DLG2: variants seen among roughly 807,000 people sequenced by gnomAD.
The protein encoded by DLG2 is discs large MAGUK scaffold protein 2.
DLG2 carries 45 observed loss-of-function variants against 132.5 expected under a neutral mutation model. The observed-to-expected ratio is 0.34, with a 90% CI of 0.27 to 0.44. The LOEUF is 0.44. DLG2 is among the 20% of genes least tolerant of loss of function. DLG2 has a pLI of 1.00. For synonymous variants in DLG2, 424 were observed against 419.6 expected (o/e 1.01, Z -0.13); for missense variants, 1,045 against 1,196.9 (o/e 0.87, Z 1.87).
intron 6 of DLG2, among the ~76,000 whole-genome samples, chr11:85,097,404 C>T (rs1407778319): frequency 6.6e-6 from 1 of 152,140 alleles, no homozygotes; most frequent in African/African-American, 2.4e-5. Context: ...GCTCAGTTGG[C>T]TTCACCTCTC....
intron 6 of DLG2, among the ~76,000 whole-genome samples, chr11:84,616,920 A>G (rs1276049746): frequency 6.6e-6 from 1 of 151,858 alleles, no homozygotes; most frequent in Non-Finnish European, 1.5e-5. Flanking sequence ...ATTTTTGCAA[A>G]GAAGCATTGC....
At chr11:84,524,820 T>C (rs772874098) in intron 7 of DLG2, among the ~76,000 whole-genome samples, 2 of 152,028 alleles carry the variant, frequency 1.3e-5, no homozygotes, top group Non-Finnish European at 2.9e-5. Context: ...CTCATGACTG[T>C]TGGGGTCAAA....
chr11:84,250,611 T>C (rs1196184584), intron 8 of DLG2, among the ~76,000 whole-genome samples: 1 of 152,164 alleles, frequency 6.6e-6, no homozygotes, highest in African/African-American at 2.4e-5. Context: ...TCACCCACAT[T>C]GTGGCCTATA....
At position 85,505,506 on chromosome 11, in the gene DLG2, T is replaced by C. The variant is rs541513742; in HGVS notation, c.40+93151A>G. Among the ~76,000 whole-genome samples the C allele has an allele frequency of 4.6e-5, 7 of 152,350 alleles. No individual in the cohort carries two copies. In the South Asian group the frequency reaches 1.4e-3, roughly 32 times the overall value. ...GTGGTTTTTGTCTTTGTTCTGCTTA[T>C]ATGATGAATTACATTTATTGATTTG... is the stretch of plus-strand genomic sequence containing the variant. On this transcript the variant is annotated intron_variant, in intron 3 of 27. Transcript: ENST00000376104.
intron 6 of DLG2, among the ~76,000 whole-genome samples, chr11:84,666,021 G>T (rs1312305026): frequency 6.6e-6 from 1 of 152,090 alleles, no homozygotes. Flanking sequence ...AGCATGTGTT[G>T]CCCTCCCCTC....
intron 3 of DLG2, among the ~76,000 whole-genome samples, chr11:85,364,046 T>C (rs2084355946): frequency 6.6e-6 from 1 of 152,218 alleles, no homozygotes; most frequent in Non-Finnish European, 1.5e-5. Flanking sequence ...CAGTTGGTGC[T>C]GAAGACCAAT....
At chr11:85,487,319 C>A (rs2093451159) in intron 3 of DLG2, among the ~76,000 whole-genome samples, 2 of 149,522 alleles carry the variant, frequency 1.3e-5, no homozygotes, top group South Asian at 4.3e-4. Flanking sequence ...AAATCACAAT[C>A]AAAAATAAAT....
At chr11:83,825,367 G>A (rs1468679401) in intron 17 of DLG2, among the ~76,000 whole-genome samples, 1 of 151,578 alleles carries the variant, frequency 6.6e-6, no homozygotes, top group East Asian at 1.9e-4. Context: ...TTTTAGTAGA[G>A]ATGGGGTTTC....
At chr11:84,690,903 T>C (rs1163526912) in intron 6 of DLG2, among the ~76,000 whole-genome samples, 1 of 151,896 alleles carries the variant, frequency 6.6e-6, no homozygotes, top group East Asian at 1.9e-4. Flanking sequence ...GCCAGTGTAA[T>C]TGTGGCATAT....
intron 3 of DLG2, among the ~76,000 whole-genome samples, chr11:85,557,911 G>T (rs1179631588): frequency 6.6e-6 from 1 of 151,798 alleles, no homozygotes; most frequent in Non-Finnish European, 1.5e-5. Context: ...AAGAATTTAT[G>T]ACTAAGTCCT....
At chr11:84,402,135 G>C (rs879833853) in intron 7 of DLG2, among the ~76,000 whole-genome samples, 1 of 152,142 alleles carries the variant, frequency 6.6e-6, no homozygotes, top group Non-Finnish European at 1.5e-5. Context: ...ACCTGAAAAT[G>C]TTTTCCATCA....
intron 9 of DLG2, among the ~76,000 whole-genome samples, chr11:84,117,598 CACCAGTTGGGTTCAGATA>C (rs1430641216): frequency 2.0e-5 from 3 of 152,116 alleles, no homozygotes; most frequent in Admixed American, 6.5e-5. Context: ...TTGTGTGACT[CACCAGTTGGGTTCAGATA>C]ACCAGTTGGG....
intron 11 of DLG2, among the ~76,000 whole-genome samples, chr11:83,984,407 C>T (rs1268707133): frequency 1.3e-5 from 2 of 152,082 alleles, no homozygotes; most frequent in African/African-American, 2.4e-5. Flanking sequence ...TTTGACATAA[C>T]ATGCATGTGT....
At chr11:83,965,747 T>TTGTTATGCTA (rs1457842785) in intron 12 of DLG2, among the ~76,000 whole-genome samples, 4 of 151,974 alleles carry the variant, frequency 2.6e-5, no homozygotes, top group Non-Finnish European at 5.9e-5. Flanking sequence ...AATGCCTTTT[T>TTGTTATGCTA]TGTTATGCTA....
At chr11:84,687,928 A>T (rs551205520) in intron 6 of DLG2, among the ~76,000 whole-genome samples, 1 of 152,262 alleles carries the variant, frequency 6.6e-6, no homozygotes, top group Non-Finnish European at 1.5e-5. Flanking sequence ...ATAAAATACC[A>T]GGTGGGTTCC....
chr11:85,029,609 A>G (rs1238270960), intron 6 of DLG2, among the ~76,000 whole-genome samples: 1 of 152,240 alleles, frequency 6.6e-6, no homozygotes, highest in Non-Finnish European at 1.5e-5. Context: ...AGTGCAGGTG[A>G]CATAGACTGT....
At chr11:85,441,909 T>A (rs1420893951) in intron 3 of DLG2, among the ~76,000 whole-genome samples, 1 of 152,024 alleles carries the variant, frequency 6.6e-6, no homozygotes, top group Non-Finnish European at 1.5e-5. Flanking sequence ...GTGGAAGATG[T>A]AAGGATAGCT....
chr11:83,965,439 T>C lies in DLG2; in HGVS notation c.1086A>G (p.Thr362=), dbSNP rs2089958499. The change falls in exon 13 of 28, where the codon ACA becomes ACG. Residue 362 remains threonine, a synonymous_variant. Coordinates refer to ENST00000376104, the MANE Select transcript of DLG2 (RefSeq NM_001142699.3). ...MVNNYSLEEV[T]HEEAVAILKN... ...TTAATATTGCTACTGCCTCTTCGTG[T>C]GTTACTTCTTCTAAACTGTAGTTGT... 1.2e-6 allele frequency: 2 copies of C among 1,611,084 alleles called. No homozygotes were observed. Among genetic ancestry groups the C allele is most frequent in the East Asian group, 4.5e-5 (2 of 44,800 alleles).
At chr11:85,470,535 C>A (rs1410052174) in intron 3 of DLG2, among the ~76,000 whole-genome samples, 1 of 152,064 alleles carries the variant, frequency 6.6e-6, no homozygotes, top group Non-Finnish European at 1.5e-5. Flanking sequence ...CCAGCCTGGC[C>A]CACATGGTGA....
Sources: gnomAD v4.1 joint callset for allele counts (sites outside exome capture counted in the v4.1 genomes callset) on GRCh38, gnomAD v4.1.1 for gene constraint, MANE v1.5 for transcripts, NCBI Gene and HGNC (gene_info 2026-07-23, HGNC 2026-07-21) for gene names.